The following PDE11A variants were observed in gnomAD, a reference collection of about 807,000 sequenced individuals.
PDE11A encodes the protein phosphodiesterase 11A, also known as dual 3',5'-cyclic-AMP and -GMP phosphodiesterase 11A.
In PDE11A, 100 loss-of-function variants were observed where a neutral mutation model predicts 100.5. The observed-to-expected ratio is 1.00, with a 90% CI of 0.85 to 1.18. The LOEUF (loss-of-function observed/expected upper bound fraction) is 1.18. Among genes scored for constraint, PDE11A ranks in the 50% most tolerant of loss-of-function variants. The probability of loss-of-function intolerance (pLI) is 0.00; values close to 1 mark genes in which losing one functional copy is unlikely to be tolerated. For synonymous variants in PDE11A, 381 were observed against 420.8 expected (o/e 0.91, Z 1.16); for missense variants, 1,141 against 1,152.6 (o/e 0.99, Z 0.15).
chr2:177,874,749 A>G (rs1426058437), intron 5 of PDE11A, among the ~76,000 whole-genome samples: 2 of 152,240 alleles, frequency 1.3e-5, no homozygotes, highest in Non-Finnish European at 2.9e-5. Flanking sequence ...TACAGCTAAG[A>G]TACATCTAAA....
chr2:177,878,600 A>G (rs2084278796), intron 4 of PDE11A, among the ~76,000 whole-genome samples: 1 of 152,194 alleles, frequency 6.6e-6, no homozygotes, highest in South Asian at 2.1e-4. Context: ...TGCATGTATC[A>G]ATGCTTACAA....
chr2:178,100,298 T>G (rs1211205337), intron 2 of PDE11A, among the ~76,000 whole-genome samples: 1 of 152,242 alleles, frequency 6.6e-6, no homozygotes, highest in Non-Finnish European at 1.5e-5. Context: ...TCATGAGTTT[T>G]GTAAAACTAT....
At chr2:177,739,366 AG>A (rs2081839786) in intron 10 of PDE11A, among the ~76,000 whole-genome samples, 1 of 152,160 alleles carries the variant, frequency 6.6e-6, no homozygotes, top group Non-Finnish European at 1.5e-5. Flanking sequence ...GATGGTGCAA[AG>A]CCACTGCCAG....
chr2:178,013,501 G>T (rs542243073), intron 2 of PDE11A, among the ~76,000 whole-genome samples: 1 of 152,172 alleles, frequency 6.6e-6, no homozygotes, highest in South Asian at 2.1e-4. Flanking sequence ...TAATGCATTT[G>T]TAATTAGCAT....
rs2087141942 is a variant in PDE11A at position 178,072,137 on chromosome 2, T to A, written c.301A>T (p.Ser101Cys). 5 of 1,613,612 alleles carry A rather than the reference T, an allele frequency of 3.1e-6. No homozygotes were observed. Among genetic ancestry groups the A allele is most frequent in the South Asian group, 1.1e-5 (1 of 91,066 alleles). Reference protein sequence around the residue: ...GDCGGVPLSPSWAGGSRGDGN... With the variant: ...GDCGGVPLSPCWAGGSRGDGN... The stretch of plus-strand genomic sequence containing the variant: ...TCGCCCCTGCTGCCACCGGCCCAGC[T>A]GGGACTCAAGGGAACCCCACCACAG... The change falls in exon 1 of 20, where the codon AGC becomes TGC. Residue 101 changes from serine (S) to cysteine (C), a missense_variant. Coordinates refer to ENST00000286063, the MANE Select transcript of PDE11A (RefSeq NM_016953.4).
At chr2:178,033,503 C>T (rs1383887214) in intron 1 of PDE11A, among the ~76,000 whole-genome samples, 5 of 152,142 alleles carry the variant, frequency 3.3e-5, no homozygotes, top group Non-Finnish European at 7.4e-5. Flanking sequence ...AGAACTTCCC[C>T]AACCTAGCAA....
At chr2:178,088,772 T>A (rs938702446) in intron 2 of PDE11A, among the ~76,000 whole-genome samples, 3 of 152,220 alleles carry the variant, frequency 2.0e-5, no homozygotes, top group African/African-American at 7.2e-5. Flanking sequence ...CTGGTTCCTG[T>A]TAACGGTACT....
chr2:177,997,391 T>G (rs1442658507), intron 2 of PDE11A: 14 of 823,648 alleles, frequency 1.7e-5, no homozygotes, highest in Non-Finnish European at 2.8e-5. Flanking sequence ...AGTTGTATAT[T>G]CACTGGCTCT....
At chr2:177,734,800 G>A (rs112011662) in intron 10 of PDE11A, among the ~76,000 whole-genome samples, 9 of 152,238 alleles carry the variant, frequency 5.9e-5, no homozygotes, top group African/African-American at 1.4e-4. Flanking sequence ...AGTAAGTAAC[G>A]GTGCCTGGCA....
At chr2:177,683,891 T>C (rs993240106) in intron 15 of PDE11A, among the ~76,000 whole-genome samples, 14 of 152,110 alleles carry the variant, frequency 9.2e-5, no homozygotes, top group Non-Finnish European at 1.8e-4. Context: ...GGGTGAGTAA[T>C]TTCACATTGC....
chr2:177,996,480 T>C (rs966846439), intron 2 of PDE11A, among the ~76,000 whole-genome samples: 2 of 149,966 alleles, frequency 1.3e-5, no homozygotes, highest in African/African-American at 4.9e-5. Flanking sequence ...TATATATATA[T>C]ATATATGTAT....
At chr2:177,832,821 C>T (rs1202384597) in intron 6 of PDE11A, among the ~76,000 whole-genome samples, 6 of 152,170 alleles carry the variant, frequency 3.9e-5, no homozygotes, top group South Asian at 2.1e-4. Flanking sequence ...CCCTTCCAAG[C>T]GCTAGCAGGC....
chr2:177,918,226 T>C (rs1377591713), intron 2 of PDE11A, among the ~76,000 whole-genome samples: 2 of 152,344 alleles, frequency 1.3e-5, no homozygotes, highest in African/African-American at 4.8e-5. Context: ...TCTCATTTGG[T>C]ATCCTAGAAC....
At chr2:177,676,079 G>T in intron 16 of PDE11A, 1 of 191,072 alleles carries the variant, frequency 5.2e-6, no homozygotes, top group South Asian at 9.8e-5. Flanking sequence ...CTCCAACAAT[G>T]GTTTATAAGC....
chr2:177,637,979 G>T (rs759303133), intron 19 of PDE11A, among the ~76,000 whole-genome samples: 2 of 50,932 alleles, frequency 3.9e-5, no homozygotes, highest in African/African-American at 6.0e-5. Flanking sequence ...ATATACACGT[G>T]TATATATATA....
chr2:177,998,443 C>T (rs2086104017), intron 2 of PDE11A: 2 of 1,086,870 alleles, frequency 1.8e-6, no homozygotes, highest in African/African-American at 1.5e-5. Context: ...TCTGCAGAGC[C>T]ATCTGACTCC....
chr2:177,697,344 G>A lies in PDE11A; in HGVS notation c.2333C>T (p.Thr778Met), dbSNP rs150182442. Residue 778 changes from threonine (T) to methionine (M), a missense_variant, in exon 15 of 20, where the codon ACG (threonine) becomes ATG (methionine). Physicochemically the swap from Thr to Met is moderately conservative, Grantham distance 81. Transcript: ENST00000286063. ...TGCCAATACCTACTCAAAGTACAGC[G>A]TGAGGTCTGTTGCCAATATTGACTG... ...LKQSILATDL[T>M]LYFERRTEFF... 14 of 1,540,936 alleles carry A rather than the reference G, an allele frequency of 9.1e-6. No homozygotes were observed. Among genetic ancestry groups the A allele is most frequent in the African/African-American group, 5.5e-5 (4 of 73,374 alleles).
intron 10 of PDE11A, among the ~76,000 whole-genome samples, chr2:177,762,894 C>T (rs1460251266): frequency 6.6e-6 from 1 of 152,158 alleles, no homozygotes; most frequent in Non-Finnish European, 1.5e-5. Flanking sequence ...AATACCTAGC[C>T]GCTTAGCTCA....
In PDE11A at chr2:178,029,198, A is replaced by G. The variant is rs149717359; in HGVS notation, c.913-14738T>C. Reference sequence around the variant, plus strand: ...TTTCATATAATTAGTTCCATGATTGACATGAAAAGTTTATGAAAATTCACC... The same window carrying G: ...TTTCATATAATTAGTTCCATGATTGGCATGAAAAGTTTATGAAAATTCACC... On this transcript the variant is annotated intron_variant, in intron 1 of 19. Transcript: ENST00000286063. Among the ~76,000 whole-genome samples the G allele has an allele frequency of 1.3e-3, 194 of 152,324 alleles. 2 individuals are homozygous for G. In the East Asian group the frequency reaches 0.034, roughly 27 times the overall value.
Sources: gnomAD v4.1 joint callset for allele counts (sites outside exome capture counted in the v4.1 genomes callset) on GRCh38, gnomAD v4.1.1 for gene constraint, MANE v1.5 for transcripts, NCBI Gene and HGNC (gene_info 2026-07-23, HGNC 2026-07-21) for gene names.